Variants in ELMO1 observed in about 807,000 individuals in gnomAD.
ELMO1 encodes the protein engulfment and cell motility protein 1.
ELMO1 carries 26 observed loss-of-function variants against 98.9 expected under a neutral mutation model. The observed-to-expected ratio is 0.26, with a 90% CI of 0.19 to 0.36. ELMO1 has a LOEUF of 0.36. Among genes scored for constraint, ELMO1 ranks in the 10% least tolerant of loss-of-function variants. The pLI, the probability that ELMO1 is intolerant of heterozygous loss-of-function variation, is 1.00. For missense variants in ELMO1, 627 were observed against 935.2 expected, an observed-to-expected ratio of 0.67 and a Z score of 4.30; for synonymous variants, 346 against 346.0, an observed-to-expected ratio of 1.00 and a Z score of 0.00.
chr7:36,983,324 C>T (rs906466184), intron 16 of ELMO1, among the ~76,000 whole-genome samples: 5 of 152,174 alleles, frequency 3.3e-5, no homozygotes, highest in African/African-American at 4.8e-5. Context: ...TCCCAAATGG[C>T]GTTATTAATA....
At chr7:37,294,797 C>T (rs867166389) in intron 4 of ELMO1, among the ~76,000 whole-genome samples, 2 of 152,194 alleles carry the variant, frequency 1.3e-5, no homozygotes, top group South Asian at 4.2e-4. Flanking sequence ...GTCAGAAGTT[C>T]GAGACCAGCC....
chr7:37,169,503 T>A (rs1789997583), intron 13 of ELMO1, among the ~76,000 whole-genome samples: 1 of 152,168 alleles, frequency 6.6e-6, no homozygotes, highest in Non-Finnish European at 1.5e-5. Flanking sequence ...GGGAAAAAAT[T>A]TTTTTAACCT....
chr7:37,041,979 C>G (rs1219867039), intron 15 of ELMO1, among the ~76,000 whole-genome samples: 1 of 151,882 alleles, frequency 6.6e-6, no homozygotes, highest in Non-Finnish European at 1.5e-5. Flanking sequence ...CTTGACAGCC[C>G]TATTTTGTTA....
intron 13 of ELMO1, chr7:37,204,139 T>TGGCGATG (rs1361576995): frequency 4.4e-6 from 2 of 456,390 alleles, no homozygotes; most frequent in Admixed American, 4.7e-5. Context: ...TCTCACCGCC[T>TGGCGATG]GGCGATGGGC....
intron 4 of ELMO1, among the ~76,000 whole-genome samples, chr7:37,311,125 A>G (rs892558340): frequency 6.6e-6 from 1 of 152,054 alleles, no homozygotes; most frequent in African/African-American, 2.4e-5. Flanking sequence ...CTTCTGCTGA[A>G]TGCTACTTAA....
chr7:37,001,146 A>G (rs766406479), intron 16 of ELMO1, among the ~76,000 whole-genome samples: 20 of 152,172 alleles, frequency 1.3e-4, no homozygotes, highest in Non-Finnish European at 2.1e-4. Flanking sequence ...TAACTTCCTC[A>G]GAGTATTAGC....
intron 16 of ELMO1, among the ~76,000 whole-genome samples, chr7:36,905,923 A>C (rs1223692776): frequency 6.6e-6 from 1 of 152,266 alleles, no homozygotes; most frequent in African/African-American, 2.4e-5. Context: ...GTAGAACCCG[A>C]AGCCCCACAA....
chr7:37,155,494 A>ATAAAAAAAAT (rs760943465), intron 13 of ELMO1, among the ~76,000 whole-genome samples: 7,370 of 140,652 alleles, frequency 0.052, 334 homozygotes, highest in South Asian at 0.15. Context: ...AAGCAAAAAA[A>ATAAAAAAAAT]AAAAAAAAAA....
chr7:36,992,090 A>G (rs1276606272), intron 16 of ELMO1, among the ~76,000 whole-genome samples: 1 of 152,170 alleles, frequency 6.6e-6, no homozygotes, highest in African/African-American at 2.4e-5. Context: ...GGGCTTTGCT[A>G]TTTTTTATTA....
intron 1 of ELMO1, among the ~76,000 whole-genome samples, chr7:37,348,114 T>C (rs1307986674): frequency 6.6e-6 from 1 of 152,174 alleles, no homozygotes; most frequent in African/African-American, 2.4e-5. Flanking sequence ...ACATAGCTGT[T>C]GTATGAATGC....
At chr7:37,237,047 C>A (rs193246833) in intron 7 of ELMO1, among the ~76,000 whole-genome samples, 83 of 152,242 alleles carry the variant, frequency 5.5e-4, no homozygotes, top group Admixed American at 1.8e-3. Flanking sequence ...GTACTGACAG[C>A]CACAAATTAA....
chr7:37,399,902 C>A (rs1383131527), intron 1 of ELMO1, among the ~76,000 whole-genome samples: 1 of 152,174 alleles, frequency 6.6e-6, no homozygotes, highest in Non-Finnish European at 1.5e-5. Flanking sequence ...TTGAAATGTG[C>A]AAATTATCTG....
intron 4 of ELMO1, among the ~76,000 whole-genome samples, chr7:37,307,951 A>G (rs1270007515): frequency 6.6e-6 from 1 of 152,032 alleles, no homozygotes; most frequent in Non-Finnish European, 1.5e-5. Context: ...CATCTCTACT[A>G]AAAATACAAA....
chr7:37,092,366 CTTTTTT>C (rs537388417), intron 15 of ELMO1, among the ~76,000 whole-genome samples: 19 of 68,914 alleles, frequency 2.8e-4, no homozygotes, highest in South Asian at 2.3e-3. Flanking sequence ...TACCCATATT[CTTTTTT>C]TTTTTTTTTT....
chr7:37,279,516 C>T (rs1797029231), intron 4 of ELMO1, among the ~76,000 whole-genome samples: 1 of 152,168 alleles, frequency 6.6e-6, no homozygotes, highest in South Asian at 2.1e-4. Context: ...TGTGAGTGCC[C>T]CAACTGTGGA....
chr7:37,079,842 C>T (rs1424765987), intron 15 of ELMO1, among the ~76,000 whole-genome samples: 1 of 152,170 alleles, frequency 6.6e-6, no homozygotes, highest in Non-Finnish European at 1.5e-5. Flanking sequence ...AATTCTAGGG[C>T]CTCTTCAATG....
chr7:37,267,944 G>A (rs1308276955), intron 5 of ELMO1, among the ~76,000 whole-genome samples: 3 of 151,944 alleles, frequency 2.0e-5, no homozygotes, highest in Non-Finnish European at 4.4e-5. Flanking sequence ...TTAATTTTTT[G>A]GTAGTCAAAT....
intron 15 of ELMO1, among the ~76,000 whole-genome samples, chr7:37,040,941 G>C (rs554429061): frequency 6.6e-6 from 1 of 152,104 alleles, no homozygotes; most frequent in South Asian, 2.1e-4. Context: ...TCAGCTGGGC[G>C]TGGTGGCACA....
intron 18 of ELMO1, among the ~76,000 whole-genome samples, chr7:36,886,662 G>A (rs1009429840): frequency 6.6e-6 from 1 of 152,172 alleles, no homozygotes. Context: ...CTAGGAGAGT[G>A]TGGTATGAAG....
Sources: allele counts gnomAD v4.1 joint callset (sites outside exome capture counted in the v4.1 genomes callset), GRCh38; gene constraint gnomAD v4.1.1; transcripts MANE v1.5; gene names NCBI Gene and HGNC (gene_info 2026-07-23, HGNC 2026-07-21).